Variants in PRDM16 observed in about 807,000 individuals in gnomAD.
PRDM16 encodes the protein histone-lysine N-methyltransferase PRDM16.
Under a neutral mutation model 110.6 loss-of-function variants are expected in PRDM16, and 23 were observed. The ratio of observed to expected loss-of-function variants is 0.21; its 90% CI spans 0.15 to 0.29. The LOEUF (loss-of-function observed/expected upper bound fraction) is 0.29. Among genes scored for constraint, PRDM16 ranks in the 10% least tolerant of loss-of-function variants. The pLI, the probability that PRDM16 is intolerant of heterozygous loss-of-function variation, is 1.00. For synonymous variants in PRDM16, 799 were observed against 781.8 expected (o/e 1.02, Z -0.37); for missense variants, 1,615 against 1,794.3 (o/e 0.90, Z 1.81).
chr1:3,341,444 G>A (rs1391546823), intron 3 of PRDM16, among the ~76,000 whole-genome samples: 3 of 152,156 alleles, frequency 2.0e-5, no homozygotes, highest in Non-Finnish European at 2.9e-5. Context: ...AGCAGCTCCT[G>A]AATGGAAGAA....
At chr1:3,154,724 A>G (rs1020795307) in intron 1 of PRDM16, among the ~76,000 whole-genome samples, 4 of 152,074 alleles carry the variant, frequency 2.6e-5, no homozygotes, top group Non-Finnish European at 4.4e-5. Context: ...GCCCTGGTTG[A>G]GATGTGGGCT....
At chr1:3,232,801 G>A (rs1454869915) in intron 2 of PRDM16, among the ~76,000 whole-genome samples, 2 of 152,134 alleles carry the variant, frequency 1.3e-5, no homozygotes, top group Admixed American at 6.5e-5. Flanking sequence ...GAGTGGTGTC[G>A]TAGCCAGAGA....
chr1:3,403,650 G>A (rs1195895785), intron 6 of PRDM16, among the ~76,000 whole-genome samples: 1 of 152,240 alleles, frequency 6.6e-6, no homozygotes, highest in Non-Finnish European at 1.5e-5. Context: ...TGGGGCCTGG[G>A]CGGCCTTGGG....
chr1:3,412,879 G>C (rs1374792953), intron 9 of PRDM16, 79 bp downstream of exon 9: 6 of 1,210,938 alleles, frequency 5.0e-6, no homozygotes, highest in Non-Finnish European at 5.5e-6. Flanking sequence ...GCATGGTGGT[G>C]TCTCTTTCAA....
chr1:3,273,026 CG>C (rs1640493083), intron 3 of PRDM16, among the ~76,000 whole-genome samples: 1 of 152,126 alleles, frequency 6.6e-6, no homozygotes, highest in Non-Finnish European at 1.5e-5. Flanking sequence ...GTGCTGTGGT[CG>C]AGAGGGCAGC....
intron 1 of PRDM16, among the ~76,000 whole-genome samples, chr1:3,095,733 G>A (rs1473735560): frequency 6.6e-6 from 1 of 152,132 alleles, no homozygotes; most frequent in Non-Finnish European, 1.5e-5. Context: ...GGATTTGAGG[G>A]GGGCAGGGGT....
chr1:3,212,028 C>T (rs1220469714), intron 2 of PRDM16, among the ~76,000 whole-genome samples: 4 of 152,318 alleles, frequency 2.6e-5, no homozygotes, highest in Admixed American at 1.3e-4. Context: ...TTAATCCTCG[C>T]GTCGTCTTTG....
rs12035176 is a variant in PRDM16, at chr1:3,299,676, C to T, written c.438+55539C>T. ...TGCTATGCTGTGGCCGTGATGTTTC[C>T]GATCCCAGTCGTGGTGACTCTGCCC... On this transcript the variant is annotated intron_variant, in intron 3 of 16. Coordinates refer to ENST00000270722, the MANE Select transcript of PRDM16 (RefSeq NM_022114.4). 0.022 allele frequency among the ~76,000 whole-genome samples: 2,232 copies of T among 102,110 alleles called. 144 individuals carry two copies. The East Asian group carries it at 0.24, about 11-fold the overall frequency. 67.0% of individuals were successfully genotyped at this position (102,110 alleles called of 152,430 possible).
At chr1:3,428,573 C>A (rs567787334) in intron 14 of PRDM16, among the ~76,000 whole-genome samples, 1 of 152,316 alleles carries the variant, frequency 6.6e-6, no homozygotes, top group Non-Finnish European at 1.5e-5. Context: ...AGAGCCCCTG[C>A]GTCACTGACG....
chr1:3,254,287 A>T (rs540489478), intron 3 of PRDM16, among the ~76,000 whole-genome samples: 1 of 152,246 alleles, frequency 6.6e-6, no homozygotes, highest in African/African-American at 2.4e-5. Flanking sequence ...CCTATTCAAC[A>T]TAGTGTTGGA....
chr1:3,407,907 GA>G (rs1185898668), intron 8 of PRDM16, among the ~76,000 whole-genome samples: 1 of 152,230 alleles, frequency 6.6e-6, no homozygotes, highest in Non-Finnish European at 1.5e-5. Context: ...TTGCTAAGGG[GA>G]TAAAGCTTAA....
intron 1 of PRDM16, among the ~76,000 whole-genome samples, chr1:3,071,969 G>A (rs975744441): frequency 9.2e-5 from 14 of 152,206 alleles, no homozygotes; most frequent in African/African-American, 2.7e-4. Flanking sequence ...AAATGGTGGC[G>A]GCTCCGGGGG....
intron 1 of PRDM16, among the ~76,000 whole-genome samples, chr1:3,166,717 C>T (rs371789211): frequency 1.3e-5 from 2 of 152,194 alleles, no homozygotes; most frequent in Non-Finnish European, 2.9e-5. Flanking sequence ...GGAACCACAG[C>T]GCGGCCTGGG....
intron 1 of PRDM16, among the ~76,000 whole-genome samples, chr1:3,126,223 G>A (rs1006183000): frequency 1.3e-5 from 2 of 152,174 alleles, no homozygotes; most frequent in South Asian, 2.1e-4. Context: ...AGGCACAGTC[G>A]GTCCCCGCAG....
intron 3 of PRDM16, among the ~76,000 whole-genome samples, chr1:3,384,869 C>A (rs1400519298): frequency 6.6e-6 from 1 of 152,216 alleles, no homozygotes; most frequent in Admixed American, 6.5e-5. Context: ...ACTCTGGAGG[C>A]TCATTTTATC....
intron 1 of PRDM16, among the ~76,000 whole-genome samples, chr1:3,151,365 C>T (rs1643772736): frequency 6.6e-6 from 1 of 152,226 alleles, no homozygotes; most frequent in South Asian, 2.1e-4. Context: ...CACTCAGTTC[C>T]TCCTGGGAAT....
chr1:3,309,988 C>T (rs1641410950), intron 3 of PRDM16: 1 of 152,238 alleles, frequency 6.6e-6, no homozygotes, highest in Non-Finnish European at 1.5e-5. Context: ...GAGCCTGACC[C>T]ACAGTGAGAG....
chr1:3,291,507 C>T (rs1254831151), intron 3 of PRDM16, among the ~76,000 whole-genome samples: 1 of 152,170 alleles, frequency 6.6e-6, no homozygotes, highest in East Asian at 1.9e-4. Flanking sequence ...GCAGCTGAAA[C>T]ATGGAAGGGC....
intron 1 of PRDM16, among the ~76,000 whole-genome samples, chr1:3,164,670 T>C (rs1643930722): frequency 6.6e-6 from 1 of 152,120 alleles, no homozygotes; most frequent in Admixed American, 6.5e-5. Context: ...GGCGAGGGGC[T>C]AGGAGGCGGC....
Sources: gnomAD v4.1 joint callset for allele counts (sites outside exome capture counted in the v4.1 genomes callset) on GRCh38, gnomAD v4.1.1 for gene constraint, MANE v1.5 for transcripts, NCBI Gene and HGNC (gene_info 2026-07-23, HGNC 2026-07-21) for gene names.